Variants in CDC123 observed in about 807,000 individuals in gnomAD.
CDC123 encodes translation initiation factor eIF2 assembly protein.
A neutral mutation model predicts 54.4 loss-of-function variants in CDC123; 37 were observed. That is an observed-to-expected ratio of 0.68 (90% CI 0.52 to 0.89). The LOEUF (loss-of-function observed/expected upper bound fraction) is 0.89. Ranked by LOEUF, CDC123 falls within the 40% of genes least tolerant of loss-of-function variation. CDC123 has a pLI of 0.00. For synonymous variants in CDC123, 144 were observed against 136.8 expected (o/e 1.05, Z -0.37); for missense variants, 361 against 412.1 (o/e 0.88, Z 1.07).
At chr10:12,244,420 T>C (rs1836100771) in intron 10 of CDC123, among the ~76,000 whole-genome samples, 1 of 152,236 alleles carries the variant, frequency 6.6e-6, no homozygotes, top group African/African-American at 2.4e-5. Flanking sequence ...CGTGATCGGA[T>C]GCCGTGGCCG....
chr10:12,240,007 C>CAA (rs34192186), intron 10 of CDC123, among the ~76,000 whole-genome samples: 4 of 101,666 alleles, frequency 3.9e-5, no homozygotes, highest in East Asian at 2.7e-4. Context: ...GACTCCGTCT[C>CAA]AAAAAAAAAA....
chr10:12,215,651 C>G, intron 4 of CDC123, 89 bp from the exon 5 acceptor site: 1 of 650,342 alleles, frequency 1.5e-6, no homozygotes, highest in Middle Eastern at 2.7e-4. Context: ...TTTTTAACAC[C>G]CTAAACTATA....
intron 9 of CDC123, 59 bp from the exon 10 acceptor site, chr10:12,238,398 G>A: frequency 6.4e-7 from 1 of 1,556,184 alleles, no homozygotes; most frequent in Non-Finnish European, 8.7e-7. Context: ...ATTTTCAAAA[G>A]GAGATTTACA....
At chr10:12,213,050 A>G (rs570629408) in intron 4 of CDC123, among the ~76,000 whole-genome samples, 1 of 152,198 alleles carries the variant, frequency 6.6e-6, no homozygotes, top group Non-Finnish European at 1.5e-5. Flanking sequence ...TAACTAATAC[A>G]TGTAGTAGGA....
chr10:12,220,377 T>G (rs1835720027), intron 6 of CDC123, among the ~76,000 whole-genome samples: 1 of 152,252 alleles, frequency 6.6e-6, no homozygotes, highest in African/African-American at 2.4e-5. Flanking sequence ...ACTTTTTGAC[T>G]TTTGCATGGC....
intron 2 of CDC123, among the ~76,000 whole-genome samples, chr10:12,204,760 G>A (rs1307891708): frequency 6.6e-6 from 1 of 152,080 alleles, no homozygotes; most frequent in African/African-American, 2.4e-5. Flanking sequence ...TGGAGGCTCA[G>A]GTGGGCAGAT....
At chr10:12,226,349 CG>C (rs1156518267) in intron 6 of CDC123, among the ~76,000 whole-genome samples, 1 of 148,546 alleles carries the variant, frequency 6.7e-6, no homozygotes, top group East Asian at 2.0e-4. Context: ...GCTGGCCGGG[CG>C]GGGGCTGCCC....
intron 7 of CDC123, among the ~76,000 whole-genome samples, chr10:12,233,445 C>T (rs1228471653): frequency 1.3e-5 from 2 of 152,140 alleles, no homozygotes; most frequent in Non-Finnish European, 2.9e-5. Context: ...CACTCCCTAT[C>T]CCCTTCTGTG....
intron 2 of CDC123, among the ~76,000 whole-genome samples, chr10:12,208,516 G>T (rs971758102): frequency 6.6e-6 from 1 of 152,192 alleles, no homozygotes; most frequent in African/African-American, 2.4e-5. Flanking sequence ...CAATGGGCAG[G>T]TCAGCAAGAA....
chr10:12,207,427 CT>C (rs1308972842), intron 2 of CDC123, among the ~76,000 whole-genome samples: 2 of 152,046 alleles, frequency 1.3e-5, no homozygotes, highest in African/African-American at 4.8e-5. Context: ...CCTTTATTGT[CT>C]TTTTTTCTTC....
At chr10:12,201,253 C>G (rs1835435826) in intron 2 of CDC123, among the ~76,000 whole-genome samples, 1 of 152,178 alleles carries the variant, frequency 6.6e-6, no homozygotes, top group Non-Finnish European at 1.5e-5. Context: ...ATATTGTATG[C>G]TCTTAAAACA....
intron 1 of CDC123, among the ~76,000 whole-genome samples, chr10:12,197,183 G>C (rs1361705617): frequency 6.6e-6 from 1 of 152,174 alleles, no homozygotes; most frequent in African/African-American, 2.4e-5. Flanking sequence ...AGCTTTGTAA[G>C]AGTAAAATAC....
At chr10:12,197,195 TAGGA>T (rs531460581) in intron 1 of CDC123, among the ~76,000 whole-genome samples, 84 of 152,290 alleles carry the variant, frequency 5.5e-4, no homozygotes, top group African/African-American at 2.0e-3. Context: ...GTAAAATACT[TAGGA>T]AGGCTTATTT....
intron 1 of CDC123, 112 bp downstream of exon 1, chr10:12,196,431 G>A: frequency 7.2e-7 from 1 of 1,382,776 alleles, no homozygotes. Context: ...GCATGGGAGG[G>A]AGTGTGTCGA....
intron 6 of CDC123, among the ~76,000 whole-genome samples, chr10:12,224,152 T>C (rs1835773787): frequency 1.3e-5 from 2 of 151,734 alleles, no homozygotes; most frequent in African/African-American, 4.8e-5. Flanking sequence ...CTTGGAATAA[T>C]AGTCTCCAGT....
intron 1 of CDC123, among the ~76,000 whole-genome samples, chr10:12,196,993 A>C (rs1222083951): frequency 6.6e-6 from 1 of 152,196 alleles, no homozygotes; most frequent in Non-Finnish European, 1.5e-5. Context: ...CTGAGCCAAC[A>C]TTTCAGTAAT....
chr10:12,220,592 G>C (rs2131744019), intron 6 of CDC123, among the ~76,000 whole-genome samples: 1 of 152,348 alleles, frequency 6.6e-6, no homozygotes, highest in African/African-American at 2.4e-5. Context: ...TTAATCGGTT[G>C]CATAACAGGA....
chr10:12,233,731 A>G (rs1038996175), intron 7 of CDC123, among the ~76,000 whole-genome samples: 4 of 152,126 alleles, frequency 2.6e-5, no homozygotes, highest in African/African-American at 9.7e-5. Flanking sequence ...AGGCTTGACT[A>G]AGAGCTTATA....
At chr10:12,245,916 A>G (rs960731145) in intron 10 of CDC123, 4 of 373,882 alleles carry the variant, frequency 1.1e-5, no homozygotes, top group Non-Finnish European at 1.9e-5. Context: ...AAGAAAATAC[A>G]AAAATTAGCT....
Sources: gnomAD v4.1 joint callset for allele counts (sites outside exome capture counted in the v4.1 genomes callset) on GRCh38, gnomAD v4.1.1 for gene constraint, MANE v1.5 for transcripts, NCBI Gene and HGNC (gene_info 2026-07-23, HGNC 2026-07-21) for gene names.